ATR: variants seen among roughly 807,000 people sequenced by gnomAD.
The protein encoded by ATR is serine/threonine-protein kinase ATR.
ATR carries 142 observed loss-of-function variants against 305.3 expected under a neutral mutation model. That is an observed-to-expected ratio of 0.47 (90% CI 0.41 to 0.53). The LOEUF (loss-of-function observed/expected upper bound fraction) is 0.53. ATR is among the 20% of genes least tolerant of loss of function. ATR has a pLI of 0.00. For missense variants in ATR, 2,135 were observed against 3,133.1 expected, an observed-to-expected ratio of 0.68 and a Z score of 7.60; for synonymous variants, 1,050 against 1,068.1, an observed-to-expected ratio of 0.98 and a Z score of 0.33.
At chr3:142,459,998 T>C (rs2070989636) in intron 42 of ATR, among the ~76,000 whole-genome samples, 1 of 152,012 alleles carries the variant, frequency 6.6e-6, no homozygotes, top group Non-Finnish European at 1.5e-5. Flanking sequence ...TGACACAAAT[T>C]ATCAAGAAAA....
intron 38 of ATR, 41 bp downstream of exon 38, chr3:142,469,296 T>A (rs1226536113): frequency 6.6e-7 from 1 of 1,525,846 alleles, no homozygotes; most frequent in African/African-American, 1.4e-5. Flanking sequence ...TATAAAATGG[T>A]AAAAGATCTT....
chr3:142,478,176 G>A (rs977824875), intron 36 of ATR, among the ~76,000 whole-genome samples: 2 of 152,120 alleles, frequency 1.3e-5, no homozygotes, highest in African/African-American at 2.4e-5. Context: ...TTTTAATTGT[G>A]ATGTTAGGGT....
chr3:142,520,439 C>T (rs962231919), intron 23 of ATR, among the ~76,000 whole-genome samples: 1 of 152,140 alleles, frequency 6.6e-6, no homozygotes, highest in Admixed American at 6.5e-5. Flanking sequence ...TTGCACCTAA[C>T]AGCCAAGTAT....
In ATR at chr3:142,469,539, T is replaced by C. The variant is rs1241780511; in HGVS notation, c.6350A>G (p.Asn2117Ser). ...AACCTTGTTTATTTTACCCAAATCA[T>C]TCCTCATTTGTACACGATCGGAGCG... ...AGRSDRVQMR[N>S]DLGKINKVIT... is the part of the protein sequence containing the mutation. Residue 2117 changes from asparagine (N) to serine (S), a missense_variant, in exon 38 of 47, where the codon AAT (asparagine) becomes AGT (serine). Transcript: ENST00000350721. 2.0e-5 allele frequency: 32 copies of C among 1,613,698 alleles called. No individual in the cohort carries two copies. The highest frequency in any genetic ancestry group is 2.7e-5 in the African/African-American group (2 of 74,924).
At chr3:142,575,680 C>T (rs2035414702) in intron 1 of ATR, among the ~76,000 whole-genome samples, 2 of 152,168 alleles carry the variant, frequency 1.3e-5, no homozygotes, top group South Asian at 4.1e-4. Context: ...AACTACAAAG[C>T]AATCTCAAGT....
chr3:142,569,200 G>T (rs35363608), intron 1 of ATR, among the ~76,000 whole-genome samples: 2,733 of 152,234 alleles, frequency 0.018, 29 homozygotes, highest in South Asian at 0.041. Context: ...TTGGTGGAAC[G>T]CTAATACCCT....
chr3:142,471,102 C>T (rs986748486), intron 36 of ATR, among the ~76,000 whole-genome samples: 9 of 152,100 alleles, frequency 5.9e-5, no homozygotes, highest in Non-Finnish European at 1.2e-4. Flanking sequence ...CAGTAACTTC[C>T]CGTCTCCTTC....
chr3:142,477,011 T>C (rs926007699), intron 36 of ATR, among the ~76,000 whole-genome samples: 13 of 152,164 alleles, frequency 8.5e-5, no homozygotes, highest in Non-Finnish European at 1.6e-4. Flanking sequence ...TGATGGGGTT[T>C]TCTAGATATA....
rs2108265819 is a variant in ATR, at chr3:142,461,969, G to A, written c.7163C>T (p.Pro2388Leu). ...EWVNNTAGLR[P>L]ILTKLYKEKG... ...TTCTTTATATAGTTTGGTCAGAATA[G>A]GTCTCAAACCAGCAGTGTTGTTCAC... Residue 2388 changes from proline (P) to leucine (L), a missense_variant, in exon 42 of 47, where the codon CCT becomes CTT. Pro to Leu is a moderately conservative substitution (Grantham distance 98, BLOSUM62 -3). This residue lies in a region of ATR where 462 missense variants were observed against 887.6 expected (regional missense o/e 0.52). Transcript: ENST00000350721. 4 of 1,613,508 alleles carry A rather than the reference G, an allele frequency of 2.5e-6. No homozygotes were observed. Among genetic ancestry groups the A allele is most frequent in the Non-Finnish European group, 3.4e-6 (4 of 1,179,744 alleles).
chr3:142,548,514 C>T (rs1577675867), intron 15 of ATR, among the ~76,000 whole-genome samples: 1 of 152,006 alleles, frequency 6.6e-6, no homozygotes, highest in East Asian at 1.9e-4. Context: ...ACTAAAAATA[C>T]AAAAATTAGC....
chr3:142,508,690 G>A (rs750043293), intron 27 of ATR, among the ~76,000 whole-genome samples: 2 of 152,078 alleles, frequency 1.3e-5, no homozygotes, highest in African/African-American at 2.4e-5. Context: ...TTGGGAGGCC[G>A]AGGCAGGCGG....
At chr3:142,486,959 C>CAAAAAAAA (rs60024459) in intron 35 of ATR, among the ~76,000 whole-genome samples, 1,128 of 69,704 alleles carry the variant, frequency 0.016, no homozygotes, top group African/African-American at 0.019. Context: ...ACTAAAAATA[C>CAAAAAAAA]AAAAAAAAAA....
intron 34 of ATR, among the ~76,000 whole-genome samples, chr3:142,494,984 G>A (rs2031501065): frequency 6.6e-6 from 1 of 152,132 alleles, no homozygotes; most frequent in African/African-American, 2.4e-5. Context: ...GGATTCAAGA[G>A]ATATTTCTAA....
intron 1 of ATR, among the ~76,000 whole-genome samples, chr3:142,575,379 G>A (rs934511735): frequency 2.6e-5 from 4 of 151,742 alleles, no homozygotes; most frequent in Non-Finnish European, 5.9e-5. Context: ...ACAGGAAAGG[G>A]AGGCTGAGAC....
At position 142,553,353 on chromosome 3, in the gene ATR, C is replaced by T. The variant is rs2108462602; in HGVS notation, c.2679G>A (p.Leu893=). The change falls in exon 13 of 47, where the codon TTG becomes TTA. Residue 893 remains leucine (L), a synonymous_variant. Coordinates refer to ENST00000350721, the MANE Select transcript of ATR (RefSeq NM_001184.4). ...DLVPFALLHL[L]HCLLSKSASV... Reference sequence around the variant, plus strand: ...ATGCTGACTTGGATAACAAACAATGCAATAAGTGTAAGAGTGCAAATGGTA... The same window carrying T: ...ATGCTGACTTGGATAACAAACAATGTAATAAGTGTAAGAGTGCAAATGGTA... 6.2e-7 allele frequency: 1 copy of T among 1,613,764 alleles called. No homozygotes were observed. Among genetic ancestry groups the T allele is most frequent in the Non-Finnish European group, 8.5e-7 (1 of 1,179,944 alleles).
chr3:142,450,175 A>C, intron 46 of ATR: 2 of 444,010 alleles, frequency 4.5e-6, no homozygotes, highest in Non-Finnish European at 8.5e-6. Flanking sequence ...GCCATCTGCC[A>C]TCGACTTTTC....
chr3:142,556,314 C>T, intron 9 of ATR, 69 bp downstream of exon 9: 1 of 1,536,784 alleles, frequency 6.5e-7, no homozygotes, highest in Non-Finnish European at 9.0e-7. Context: ...CACAACCCTG[C>T]ATACATAGCC....
At chr3:142,552,184 T>C (rs1028108108) in intron 13 of ATR, among the ~76,000 whole-genome samples, 4 of 152,080 alleles carry the variant, frequency 2.6e-5, no homozygotes, top group Admixed American at 6.6e-5. Context: ...TTTTATACCG[T>C]TGGTGGGAGT....
chr3:142,484,163 T>C (rs1008148095), intron 36 of ATR, among the ~76,000 whole-genome samples: 1 of 152,188 alleles, frequency 6.6e-6, no homozygotes, highest in Non-Finnish European at 1.5e-5. Flanking sequence ...AGGATTCTAA[T>C]CTGACTGTGA....
Sources: gnomAD v4.1 joint callset for allele counts (sites outside exome capture counted in the v4.1 genomes callset) on GRCh38, gnomAD v4.1.1 for gene constraint, gnomAD v4.1.1 regional missense constraint, MANE v1.5 for transcripts, NCBI Gene and HGNC (gene_info 2026-07-23, HGNC 2026-07-21) for gene names.